Variants in MRPS9 observed in about 807,000 individuals in gnomAD.
The protein encoded by MRPS9 is mitochondrial ribosomal protein S9, also known as small ribosomal subunit protein uS9m.
In MRPS9, 45 loss-of-function variants were observed where a neutral mutation model predicts 59.9. The ratio of observed to expected loss-of-function variants is 0.75; its 90% confidence interval spans 0.59 to 0.96. The LOEUF is 0.96. Ranked by LOEUF, MRPS9 falls within the 40% of genes least tolerant of loss-of-function variation. The pLI is 0.00. For missense variants in MRPS9, 473 were observed against 481.1 expected, an observed-to-expected ratio of 0.98 and a Z score of 0.16; for synonymous variants, 171 against 166.8, an observed-to-expected ratio of 1.03 and a Z score of -0.19.
At chr2:105,097,478 A>G in intron 10 of MRPS9, 154 bp downstream of exon 10, 2 of 654,466 alleles carry the variant, frequency 3.1e-6, no homozygotes, top group Non-Finnish European at 4.5e-6. Flanking sequence ...GAACCATAAC[A>G]GTATTTCTCA....
rs148856687 is a variant in MRPS9, at chr2:105,049,280, A to G, written c.245A>G (p.Asn82Ser). The G allele has an allele frequency of 1.5e-5, 24 of 1,613,094 alleles. No homozygotes were observed. The African/African-American group carries it at 2.9e-4, about 20-fold the overall frequency. Residue 82 changes from asparagine to serine, a missense_variant, in exon 2 of 11, where the codon AAC (asparagine) becomes AGC (serine). Asn to Ser is a conservative substitution (Grantham distance 46). Coordinates refer to ENST00000258455, the MANE Select transcript of MRPS9 (RefSeq NM_182640.3). ...DFIKKQIEEF[N>S]IGKRHLANMM... ...ATTAAAAAGCAGATTGAAGAGTTCAACATAGGAAAGAGACATTTAGCCAAC... is the reference window on the plus strand; with the variant it reads ...ATTAAAAAGCAGATTGAAGAGTTCAGCATAGGAAAGAGACATTTAGCCAAC...
At chr2:105,056,887 AC>A (rs1015849680) in intron 2 of MRPS9, among the ~76,000 whole-genome samples, 12 of 152,178 alleles carry the variant, frequency 7.9e-5, no homozygotes, top group African/African-American at 2.9e-4. Flanking sequence ...CACTAGTGGT[AC>A]TTATTTTAAA....
intron 2 of MRPS9, among the ~76,000 whole-genome samples, chr2:105,061,161 T>C (rs540942305): frequency 6.7e-6 from 1 of 148,772 alleles, no homozygotes; most frequent in South Asian, 2.1e-4. Context: ...TGGAAGGGCT[T>C]GAGCAAATGC....
At chr2:105,069,876 G>C (rs1558756811) in intron 2 of MRPS9, among the ~76,000 whole-genome samples, 1 of 151,880 alleles carries the variant, frequency 6.6e-6, no homozygotes, top group Non-Finnish European at 1.5e-5. Context: ...ACCTGGGTGT[G>C]ATGGTGCAAG....
At chr2:105,082,639 A>C (rs1055693750) in intron 5 of MRPS9, among the ~76,000 whole-genome samples, 1 of 152,096 alleles carries the variant, frequency 6.6e-6, no homozygotes, top group Non-Finnish European at 1.5e-5. Context: ...TTTGAGGAAA[A>C]ATGGCCATGA....
intron 4 of MRPS9, among the ~76,000 whole-genome samples, chr2:105,077,828 T>C (rs1302286713): frequency 6.6e-6 from 1 of 152,190 alleles, no homozygotes; most frequent in African/African-American, 2.4e-5. Flanking sequence ...ATCTGAACAG[T>C]TGGAAAAATT....
rs754926028 is a variant in MRPS9, at chr2:105,049,324, G to C, written c.289G>C (p.Glu97Gln). Residue 97 changes from glutamate (E) to glutamine (Q), a missense_variant, in exon 2 of 11, where the codon GAA (glutamate) becomes CAA (glutamine). By Grantham distance (29) the Glu-to-Gln change is conservative (BLOSUM62 2). Transcript: ENST00000258455. ...AGCCAACATGATGGGAGAAGATCCA[G>C]AAACTTTCACTCAAGAAGATATTGA... ...HLANMMGEDP[E>Q]TFTQEDIDRA... is the part of the protein sequence containing the mutation. 6 of 1,611,216 alleles carry C rather than the reference G, an allele frequency of 3.7e-6. No homozygotes were observed. The highest frequency in any genetic ancestry group is 5.1e-6 in the Non-Finnish European group (6 of 1,179,346).
At chr2:105,046,655 G>A (rs777228763) in intron 1 of MRPS9, among the ~76,000 whole-genome samples, 3 of 151,984 alleles carry the variant, frequency 2.0e-5, no homozygotes, top group Admixed American at 1.3e-4. Context: ...GGAGCCATAC[G>A]CTCCAGGAGG....
At chr2:105,061,452 G>T (rs535143587) in intron 2 of MRPS9, among the ~76,000 whole-genome samples, 1 of 152,122 alleles carries the variant, frequency 6.6e-6, no homozygotes, top group African/African-American at 2.4e-5. Context: ...TCATACCTGC[G>T]GCAGAGACTC....
intron 4 of MRPS9, among the ~76,000 whole-genome samples, chr2:105,075,103 A>T (rs938810576): frequency 1.3e-5 from 2 of 152,246 alleles, no homozygotes; most frequent in African/African-American, 4.8e-5. Context: ...GGAGCATGCA[A>T]CCTAGATCCC....
At chr2:105,056,377 C>T (rs1573422351) in intron 2 of MRPS9, among the ~76,000 whole-genome samples, 1 of 151,956 alleles carries the variant, frequency 6.6e-6, no homozygotes, top group African/African-American at 2.4e-5. Context: ...TTTGTTAGCC[C>T]CTGACTGTGG....
intron 2 of MRPS9, among the ~76,000 whole-genome samples, chr2:105,068,202 A>G (rs1213871038): frequency 6.6e-6 from 1 of 151,906 alleles, no homozygotes; most frequent in Non-Finnish European, 1.5e-5. Flanking sequence ...CAGGGAACAG[A>G]ACTAGGAAAT....
intron 2 of MRPS9, among the ~76,000 whole-genome samples, chr2:105,058,098 T>C (rs1047871276): frequency 6.6e-6 from 1 of 152,208 alleles, no homozygotes; most frequent in Non-Finnish European, 1.5e-5. Context: ...CCATTTGATG[T>C]ATCATTTTTC....
At chr2:105,054,592 T>TTG (rs1309743328) in intron 2 of MRPS9, among the ~76,000 whole-genome samples, 325 of 151,820 alleles carry the variant, frequency 2.1e-3, no homozygotes, top group African/African-American at 7.6e-3. Flanking sequence ...CCTTTTGGTA[T>TTG]CGCATTTTAT....
chr2:105,066,878 CTTAT>C (rs1342134138), intron 2 of MRPS9, among the ~76,000 whole-genome samples: 1 of 152,052 alleles, frequency 6.6e-6, no homozygotes, highest in Non-Finnish European at 1.5e-5. Flanking sequence ...TTGGGAAAAT[CTTAT>C]TTATTTTTAA....
At chr2:105,039,985 C>T (rs1244642384) in intron 1 of MRPS9, among the ~76,000 whole-genome samples, 2 of 152,142 alleles carry the variant, frequency 1.3e-5, no homozygotes, top group East Asian at 1.9e-4. Context: ...AAGATAGTAT[C>T]CACCCTTAGC....
intron 5 of MRPS9, among the ~76,000 whole-genome samples, chr2:105,083,359 G>A (rs1250521937): frequency 6.6e-6 from 1 of 152,120 alleles, no homozygotes; most frequent in Non-Finnish European, 1.5e-5. Context: ...ACCCCACCAG[G>A]GTTACCTCCT....
intron 2 of MRPS9, among the ~76,000 whole-genome samples, chr2:105,066,182 A>G (rs1415424062): frequency 6.6e-6 from 1 of 151,554 alleles, no homozygotes; most frequent in Non-Finnish European, 1.5e-5. Context: ...TTTGTTTTTC[A>G]TTGTTTTCAC....
intron 10 of MRPS9, 45 bp from the exon 11 acceptor site, chr2:105,099,625 C>G (rs1328214872): frequency 3.8e-6 from 6 of 1,559,858 alleles, no homozygotes; most frequent in Non-Finnish European, 5.3e-6. Context: ...TTCTGGGCAG[C>G]ATGCATATTA....
Sources: allele counts gnomAD v4.1 joint callset (sites outside exome capture counted in the v4.1 genomes callset), GRCh38; gene constraint gnomAD v4.1.1; transcripts MANE v1.5; gene names NCBI Gene and HGNC (gene_info 2026-07-23, HGNC 2026-07-21).